PCDH9: variants seen among roughly 807,000 people sequenced by gnomAD.
PCDH9 encodes protocadherin 9.
PCDH9 carries 24 observed loss-of-function variants against 70.6 expected under a neutral mutation model. That is an observed-to-expected ratio of 0.34 (90% confidence interval 0.25 to 0.48). PCDH9 has a LOEUF of 0.48. Ranked by LOEUF, PCDH9 falls within the 20% of genes least tolerant of loss-of-function variation. The pLI is 0.99. For missense variants in PCDH9, 1,281 were observed against 1,503.6 expected (o/e 0.85, Z 2.45); for synonymous variants, 562 against 558.5 (o/e 1.01, Z -0.09).
chr13:67,006,813 AGATAT>A (rs2084363029), intron 2 of PCDH9, among the ~76,000 whole-genome samples: 1 of 152,168 alleles, frequency 6.6e-6, no homozygotes, highest in African/African-American at 2.4e-5. Flanking sequence ...TATTTCAATA[AGATAT>A]AAGTGACTTA....
intron 4 of PCDH9, among the ~76,000 whole-genome samples, chr13:66,457,576 A>T (rs1006898478): frequency 1.3e-5 from 2 of 152,090 alleles, no homozygotes; most frequent in Non-Finnish European, 2.9e-5. Flanking sequence ...CTAACAGCCT[A>T]GGGAGTTTTT....
At chr13:66,321,236 T>C (rs1955747469) in intron 4 of PCDH9, among the ~76,000 whole-genome samples, 1 of 152,198 alleles carries the variant, frequency 6.6e-6, no homozygotes, top group South Asian at 2.1e-4. Flanking sequence ...AGAAGCTGAA[T>C]GCTAATCTGC....
intron 2 of PCDH9, among the ~76,000 whole-genome samples, chr13:67,104,211 G>A (rs1229430081): frequency 6.6e-6 from 1 of 152,092 alleles, no homozygotes; most frequent in African/African-American, 2.4e-5. Context: ...TTAACTGTGA[G>A]GATAATAAGA....
intron 2 of PCDH9, chr13:67,224,433 C>T (rs2089802016): frequency 6.6e-6 from 1 of 152,172 alleles, no homozygotes; most frequent in Non-Finnish European, 1.5e-5. Context: ...ACCCTAGTGC[C>T]ATCTACAGGC....
intron 3 of PCDH9, among the ~76,000 whole-genome samples, chr13:66,671,585 G>T (rs890569055): frequency 2.0e-5 from 3 of 152,186 alleles, no homozygotes; most frequent in Admixed American, 1.3e-4. Context: ...TGAGGAACTT[G>T]TTGGGAACTG....
intron 2 of PCDH9, among the ~76,000 whole-genome samples, chr13:67,039,452 C>A (rs867775013): frequency 2.0e-5 from 3 of 152,106 alleles, no homozygotes; most frequent in African/African-American, 7.2e-5. Context: ...CCAATCAGAC[C>A]ACACCTCATG....
chr13:66,984,189 T>TA (rs1429299254), intron 2 of PCDH9, among the ~76,000 whole-genome samples: 1 of 152,162 alleles, frequency 6.6e-6, no homozygotes, highest in East Asian at 1.9e-4. Flanking sequence ...ACCTCTTTAC[T>TA]ACGTCAGATT....
chr13:66,413,937 G>C (rs1301842629), intron 4 of PCDH9, among the ~76,000 whole-genome samples: 1 of 151,976 alleles, frequency 6.6e-6, no homozygotes, highest in Non-Finnish European at 1.5e-5. Flanking sequence ...TTTTAAACTG[G>C]TTCCTTTGGT....
intron 2 of PCDH9, among the ~76,000 whole-genome samples, chr13:66,972,166 T>A (rs552393788): frequency 4.5e-4 from 69 of 152,028 alleles, no homozygotes; most frequent in Non-Finnish European, 8.5e-4. Context: ...ACACACAGAA[T>A]CATACTGCAA....
At chr13:67,116,940 G>A (rs907366292) in intron 2 of PCDH9, among the ~76,000 whole-genome samples, 1 of 151,974 alleles carries the variant, frequency 6.6e-6, no homozygotes, top group African/African-American at 2.4e-5. Context: ...CACAGGATCT[G>A]GGCCAAATTT....
intron 2 of PCDH9, chr13:67,202,078 A>G (rs1367899289): frequency 6.6e-6 from 1 of 152,042 alleles, no homozygotes; most frequent in African/African-American, 2.4e-5. Flanking sequence ...TTAAATGGAA[A>G]CAATACTGTT....
At chr13:66,760,757 C>T (rs371274559) in intron 3 of PCDH9, among the ~76,000 whole-genome samples, 16 of 152,210 alleles carry the variant, frequency 1.1e-4, no homozygotes, top group African/African-American at 3.6e-4. Flanking sequence ...AGAAATATCA[C>T]TGAATTATTT....
chr13:66,764,430 T>C (rs2079678261), intron 3 of PCDH9, among the ~76,000 whole-genome samples: 1 of 151,944 alleles, frequency 6.6e-6, no homozygotes, highest in Non-Finnish European at 1.5e-5. Flanking sequence ...CGTGTAAAAC[T>C]TTCTATATAG....
At chr13:67,005,712 G>C (rs997203986) in intron 2 of PCDH9, among the ~76,000 whole-genome samples, 1 of 152,158 alleles carries the variant, frequency 6.6e-6, no homozygotes, top group Non-Finnish European at 1.5e-5. Flanking sequence ...AATTTCCAAA[G>C]TAAAGAAATG....
chr13:66,803,876 T>G (rs1389305409), intron 3 of PCDH9, among the ~76,000 whole-genome samples: 1 of 152,164 alleles, frequency 6.6e-6, no homozygotes, highest in Admixed American at 6.5e-5. Context: ...GAATATGAAG[T>G]TGCTTTCCAA....
chr13:66,951,583 G>A (rs1009660063), intron 2 of PCDH9, among the ~76,000 whole-genome samples: 8 of 152,162 alleles, frequency 5.3e-5, no homozygotes, highest in Non-Finnish European at 5.9e-5. Context: ...GGAGAGAAGA[G>A]AGCAAAGATG....
intron 4 of PCDH9, among the ~76,000 whole-genome samples, chr13:66,608,073 A>G (rs1028922821): frequency 1.3e-5 from 2 of 152,118 alleles, no homozygotes; most frequent in East Asian, 3.8e-4. Context: ...ATATTCTTCT[A>G]TGGGAAAAAC....
At chr13:66,867,416 T>G (rs2081596071) in intron 3 of PCDH9, among the ~76,000 whole-genome samples, 1 of 152,126 alleles carries the variant, frequency 6.6e-6, no homozygotes, top group Admixed American at 6.6e-5. Context: ...AAGTAATATA[T>G]CCTCCCTTTA....
At chr13:66,794,417 G>A (rs2080207688) in intron 3 of PCDH9, among the ~76,000 whole-genome samples, 1 of 152,136 alleles carries the variant, frequency 6.6e-6, no homozygotes, top group African/African-American at 2.4e-5. Flanking sequence ...CGTCATACAT[G>A]GTTAGAGGCA....
Sources: gnomAD v4.1 joint callset for allele counts (sites outside exome capture counted in the v4.1 genomes callset) on GRCh38, gnomAD v4.1.1 for gene constraint, MANE v1.5 for transcripts, NCBI Gene and HGNC (gene_info 2026-07-23, HGNC 2026-07-21) for gene names.